BTBD1: variants seen among roughly 807,000 people sequenced by gnomAD.
BTBD1 encodes the protein BTB domain containing 1.
A neutral mutation model predicts 48.0 loss-of-function variants in BTBD1; 34 were observed. The ratio of observed to expected loss-of-function variants is 0.71; its 90% CI spans 0.54 to 0.94. The LOEUF is 0.94. BTBD1 is among the 40% of genes least tolerant of loss of function. BTBD1 has a pLI of 0.00. For missense variants in BTBD1, 543 were observed against 625.6 expected (o/e 0.87, Z 1.41); for synonymous variants, 261 against 242.1 (o/e 1.08, Z -0.72).
At chr15:83,040,892 C>T (rs867030733) in intron 4 of BTBD1, among the ~76,000 whole-genome samples, 2 of 151,664 alleles carry the variant, frequency 1.3e-5, no homozygotes, top group Non-Finnish European at 1.5e-5. Flanking sequence ...AGAGGCTGGG[C>T]GTGGTGGCTT....
intron 3 of BTBD1, among the ~76,000 whole-genome samples, chr15:83,046,901 G>A (rs894168601): frequency 1.3e-5 from 2 of 152,206 alleles, no homozygotes; most frequent in Non-Finnish European, 2.9e-5. Context: ...TCATGGACGA[G>A]GGTGGGGTAT....
rs1325494775 is a variant in BTBD1, at chr15:83,017,058, CTG to C, written c.*1007_*1008del. ...GATATACTTCCTATCCCCAACACAG[CTG>C]TAACACTGACTAATGGGGTCATGAC... On this transcript the variant is annotated 3_prime_UTR_variant, in exon 8 of 8. Transcript: ENST00000261721. 1 of 152,626 alleles carries C rather than the reference CTG, an allele frequency of 6.6e-6. No individual in the cohort carries two copies. Among genetic ancestry groups the C allele is most frequent in the Non-Finnish European group, 1.5e-5 (1 of 68,044 alleles). 9.5% of individuals were successfully genotyped at this position (152,626 alleles called of 1,614,324 possible). A position where few individuals can be genotyped will look rare whatever the true frequency, so the allele number is the denominator to read the frequency against.
At chr15:83,034,961 A>G (rs2032596722) in intron 4 of BTBD1, among the ~76,000 whole-genome samples, 1 of 152,182 alleles carries the variant, frequency 6.6e-6, no homozygotes, top group African/African-American at 2.4e-5. Flanking sequence ...ATAACAAAGA[A>G]GAATACATTC....
chr15:83,052,045 C>G (rs934783260), intron 2 of BTBD1, among the ~76,000 whole-genome samples: 1 of 152,096 alleles, frequency 6.6e-6, no homozygotes, highest in Admixed American at 6.5e-5. Context: ...CAACCTCTAC[C>G]TCCCAGGTTC....
intron 1 of BTBD1, among the ~76,000 whole-genome samples, chr15:83,065,439 T>A (rs2033249056): frequency 6.6e-6 from 1 of 152,244 alleles, no homozygotes; most frequent in Admixed American, 6.5e-5. Context: ...CTTTATCCAT[T>A]CGTCAATGGA....
At chr15:83,056,301 A>G in intron 2 of BTBD1, 88 bp downstream of exon 2, 1 of 786,166 alleles carries the variant, frequency 1.3e-6, no homozygotes, top group Non-Finnish European at 2.0e-6. Context: ...ATTATAATCT[A>G]GAATTCTCCA....
intron 3 of BTBD1, among the ~76,000 whole-genome samples, chr15:83,046,397 C>A (rs2032879452): frequency 6.6e-6 from 1 of 152,048 alleles, no homozygotes; most frequent in Non-Finnish European, 1.5e-5. Context: ...AGCTGAGAAC[C>A]AAATAAAGAT....
intron 4 of BTBD1, among the ~76,000 whole-genome samples, chr15:83,039,076 A>G (rs1286719765): frequency 6.6e-6 from 1 of 152,178 alleles, no homozygotes; most frequent in Non-Finnish European, 1.5e-5. Context: ...AAAAGAAACT[A>G]TCAACCCAAC....
chr15:83,048,327 G>A (rs1048382397), intron 3 of BTBD1, among the ~76,000 whole-genome samples: 3 of 152,152 alleles, frequency 2.0e-5, no homozygotes, highest in African/African-American at 7.2e-5. Context: ...TGTTTCAAAT[G>A]CCTATAAAAT....
intron 5 of BTBD1, among the ~76,000 whole-genome samples, chr15:83,021,347 C>T (rs946976083): frequency 1.3e-5 from 2 of 152,156 alleles, no homozygotes; most frequent in African/African-American, 2.4e-5. Context: ...GGACAGGATT[C>T]GAATGCAGTT....
At chr15:83,066,418 A>C (rs1055396217) in intron 1 of BTBD1, among the ~76,000 whole-genome samples, 1 of 152,226 alleles carries the variant, frequency 6.6e-6, no homozygotes, top group African/African-American at 2.4e-5. Flanking sequence ...AATCAGGACA[A>C]CCTGATCTGC....
intron 5 of BTBD1, chr15:83,029,735 G>A (rs528783451): frequency 2.4e-5 from 4 of 168,302 alleles, no homozygotes; most frequent in East Asian, 3.7e-4. Context: ...TTAGCTGGGC[G>A]TGGTGATGCA....
chr15:83,019,396 G>C (rs2032240605), intron 6 of BTBD1, among the ~76,000 whole-genome samples: 1 of 151,202 alleles, frequency 6.6e-6, no homozygotes, highest in Admixed American at 6.6e-5. Flanking sequence ...GTGTTCTGTT[G>C]CCCAGGCTGG....
chr15:83,027,262 G>A (rs905329624), intron 5 of BTBD1, among the ~76,000 whole-genome samples: 3 of 152,222 alleles, frequency 2.0e-5, no homozygotes, highest in African/African-American at 7.2e-5. Context: ...TGAGGCAGGA[G>A]AATCGCTTGA....
chr15:83,033,408 A>G (rs2032562211), intron 4 of BTBD1, among the ~76,000 whole-genome samples: 1 of 152,164 alleles, frequency 6.6e-6, no homozygotes, highest in Admixed American at 6.5e-5. Context: ...GGGCAAATAT[A>G]TAGGCAAATC....
At chr15:83,046,387 A>G (rs2032879263) in intron 3 of BTBD1, among the ~76,000 whole-genome samples, 1 of 152,276 alleles carries the variant, frequency 6.6e-6, no homozygotes, top group Non-Finnish European at 1.5e-5. Context: ...ACGAAGTTAA[A>G]GCTGAGAACC....
chr15:83,036,015 G>C (rs1055578869), intron 4 of BTBD1, among the ~76,000 whole-genome samples: 5 of 148,448 alleles, frequency 3.4e-5, no homozygotes, highest in Admixed American at 1.4e-4. Flanking sequence ...TCTGATTTAC[G>C]TAAGGAATCC....
intron 4 of BTBD1, among the ~76,000 whole-genome samples, chr15:83,037,895 C>A (rs769665158): frequency 6.6e-6 from 1 of 152,082 alleles, no homozygotes; most frequent in Non-Finnish European, 1.5e-5. Context: ...ACCAGCCTGG[C>A]CAACATGGTG....
At chr15:83,057,619 CT>C (rs2033109718) in intron 1 of BTBD1, among the ~76,000 whole-genome samples, 1 of 152,136 alleles carries the variant, frequency 6.6e-6, no homozygotes, top group African/African-American at 2.4e-5. Context: ...TTGATCGTTC[CT>C]TTTTTCTCCA....
Sources: gnomAD v4.1 joint callset for allele counts (sites outside exome capture counted in the v4.1 genomes callset) on GRCh38, gnomAD v4.1.1 for gene constraint, MANE v1.5 for transcripts, NCBI Gene and HGNC (gene_info 2026-07-23, HGNC 2026-07-21) for gene names.